Variants in RPL21 observed in about 807,000 individuals in gnomAD.
The protein encoded by RPL21 is large ribosomal subunit protein eL21.
In RPL21, 1 loss-of-function variant was observed where a neutral mutation model predicts 21.2. The ratio of observed to expected loss-of-function variants is 0.05; its 90% CI spans 0.02 to 0.22. The LOEUF (loss-of-function observed/expected upper bound fraction) is 0.22. RPL21 is among the 10% of genes least tolerant of loss of function. The pLI is 1.00. For synonymous variants in RPL21, 52 were observed against 62.9 expected, an observed-to-expected ratio of 0.83 and a Z score of 0.82; for missense variants, 113 against 199.4, an observed-to-expected ratio of 0.57 and a Z score of 2.61.
At chr13:27,253,567 C>G in intron 1 of RPL21, 198 bp from the exon 2 acceptor site, 1 of 522,082 alleles carries the variant, frequency 1.9e-6, no homozygotes, top group South Asian at 2.0e-5. Flanking sequence ...TGTTATAGAA[C>G]TTGGGCAGTT....
intron 3 of RPL21, 179 bp from the exon 4 acceptor site, chr13:27,255,063 G>A (rs375022130): frequency 1.6e-5 from 12 of 759,654 alleles, no homozygotes; most frequent in Non-Finnish European, 2.7e-5. Context: ...CTTGGCACTC[G>A]AGCTTAATGA....
Position 27,256,227 on chromosome 13 carries a change from A to G in RPL21, c.286A>G (p.Ile96Val). Residue 96 changes from isoleucine to valine, a missense_variant, in exon 5 of 6, where the codon ATT becomes GTT. Transcript: ENST00000311549. ...GAGAATTAATGTGCGTATTGAGCACATTAAGCACTCTAAGAGCCGAGATAG... is the reference window on the plus strand; with the variant it reads ...GAGAATTAATGTGCGTATTGAGCACGTTAAGCACTCTAAGAGCCGAGATAG... Reference protein sequence around the residue: ...AKRINVRIEHIKHSKSRDSFL... With the variant: ...AKRINVRIEHVKHSKSRDSFL... 2 of 1,591,958 alleles carry G rather than the reference A, an allele frequency of 1.3e-6. No homozygotes were observed. Among genetic ancestry groups the G allele is most frequent in the Non-Finnish European group, 1.7e-6 (2 of 1,165,632 alleles).
chr13:27,255,347 C>A lies in RPL21; in HGVS notation c.235C>A (p.Gln79Lys), dbSNP rs749600972. The change falls in exon 4 of 6, where the codon CAA (glutamine) becomes AAA (lysine). Residue 79 changes from glutamine to lysine, a missense_variant. Gln to Lys is a moderately conservative substitution (Grantham distance 53). Transcript: ENST00000311549. ...QHAVGIVVNK[Q>K]VKGKILAKRI... ...TGCTGTTGGCATTGTTGTAAACAAA[C>A]AAGTTAAGTAAGTAGTGTTGTAGTT... The A allele has an allele frequency of 6.3e-6, 8 of 1,279,082 alleles. No individual in the cohort carries two copies. Among genetic ancestry groups the A allele is most frequent in the East Asian group, 2.3e-5 (1 of 43,360 alleles). 79.2% of individuals were successfully genotyped at this position (1,279,082 alleles called of 1,614,324 possible).
At chr13:27,254,411 T>TTG in intron 3 of RPL21, 130 bp downstream of exon 3, 3 of 647,440 alleles carry the variant, frequency 4.6e-6, no homozygotes, top group South Asian at 1.8e-5. Context: ...TTTTTTTTTT[T>TTG]GGAGACGGAG....
At chr13:27,255,485 G>A (rs771698694) in intron 4 of RPL21, 131 bp downstream of exon 4, 11 of 766,244 alleles carry the variant, frequency 1.4e-5, no homozygotes, top group Admixed American at 8.5e-5. Flanking sequence ...TAAAACTCAG[G>A]CAAACTGGGT....
intron 3 of RPL21, 110 bp downstream of exon 3, chr13:27,254,391 G>GTTT: frequency 2.4e-5 from 4 of 164,444 alleles, no homozygotes; most frequent in Non-Finnish European, 2.1e-5. Flanking sequence ...GTATAGAATG[G>GTTT]ATTTTTTTTT....
intron 1 of RPL21, among the ~76,000 whole-genome samples, chr13:27,252,961 T>C (rs1881718178): frequency 6.6e-6 from 1 of 152,200 alleles, no homozygotes; most frequent in African/African-American, 2.4e-5. Flanking sequence ...TCAAAACTAT[T>C]GTTTTGGCCT....
At chr13:27,254,669 A>G (rs1408032935) in intron 3 of RPL21, among the ~76,000 whole-genome samples, 17 of 147,886 alleles carry the variant, frequency 1.1e-4, no homozygotes, top group African/African-American at 4.3e-4. Context: ...GATTACAGGC[A>G]TGCACCATGA....
chr13:27,251,743 G>GAGCA (rs140841424), intron 1 of RPL21, 158 bp downstream of exon 1: 2,776 of 152,960 alleles, frequency 0.018, 36 homozygotes, highest in African/African-American at 0.026. Context: ...GCCAGACGGG[G>GAGCA]AGCAGCGTGC....
rs779945665 is a variant in RPL21 at position 27,254,261 on chromosome 13, G to A, written c.109G>A (p.Gly37Ser). The change falls in exon 3 of 6, where the codon GGT becomes AGT. Residue 37 changes from glycine to serine, a missense_variant. Transcript: ENST00000311549. Reference sequence around the variant, plus strand: ...CACATATATGCGAATCTATAAGAAAGGTGATATTGTAGACATCAAGGTAAA... The same window carrying A: ...CACATATATGCGAATCTATAAGAAAAGTGATATTGTAGACATCAAGGTAAA... ...LATYMRIYKKGDIVDIKGMGT... is the reference protein window; with the variant it reads ...LATYMRIYKKSDIVDIKGMGT... The A allele has an allele frequency of 4.8e-5, 77 of 1,596,450 alleles. No individual in the cohort carries two copies. The highest frequency in any genetic ancestry group is 6.5e-5 in the Non-Finnish European group (76 of 1,164,158).
Position 27,253,630 on chromosome 13 carries a change from A to T in RPL21, c.-12-135A>T, listed in dbSNP as rs1003995138. 4.4e-6 allele frequency: 3 copies of T among 679,622 alleles called. No homozygotes were observed. The East Asian group carries it at 8.3e-5, about 19-fold the overall frequency. 42.1% of individuals were successfully genotyped at this position (679,622 alleles called of 1,614,324 possible). Reference sequence around the variant, plus strand: ...AATGATTTTTTAACCTTTCAACAGAACTAACTGCTTGGTGATCCAGCTTTC... The same window carrying T: ...AATGATTTTTTAACCTTTCAACAGATCTAACTGCTTGGTGATCCAGCTTTC... On this transcript the variant is annotated intron_variant, in intron 1 of 5. Coordinates refer to ENST00000311549, the MANE Select transcript of RPL21 (RefSeq NM_000982.4).
In RPL21 at chr13:27,254,106, T is replaced by C. The variant is rs936347880; in HGVS notation, c.68-114T>C. 4.4e-5 allele frequency: 34 copies of C among 773,502 alleles called. No individual in the cohort carries two copies. In the South Asian group the frequency reaches 4.9e-4, roughly 11 times the overall value. 47.9% of individuals were successfully genotyped at this position (773,502 alleles called of 1,614,324 possible). On this transcript the variant is annotated intron_variant, in intron 2 of 5. Transcript: ENST00000311549. Reference sequence around the variant, plus strand: ...CAGGAGAAATTGTCCATTGGGAAGATAATAAGCATGTAACCATCAAAAATG... The same window carrying C: ...CAGGAGAAATTGTCCATTGGGAAGACAATAAGCATGTAACCATCAAAAATG...
At chr13:27,251,710 A>C (rs1180597520) in intron 1 of RPL21, 125 bp downstream of exon 1, 1 of 152,560 alleles carries the variant, frequency 6.6e-6, no homozygotes, top group Non-Finnish European at 1.5e-5. Flanking sequence ...GTCCATTGGC[A>C]TGGGCGGGTT....
intron 4 of RPL21, 34 bp downstream of exon 4, chr13:27,255,388 G>T (rs1056599425): frequency 1.1e-6 from 1 of 881,822 alleles, no homozygotes; most frequent in South Asian, 1.3e-5. Flanking sequence ...TGGCTAACCA[G>T]TATTCCCTCA....
At chr13:27,253,635 C>A in intron 1 of RPL21, 130 bp from the exon 2 acceptor site, 2 of 685,360 alleles carry the variant, frequency 2.9e-6, no homozygotes, top group South Asian at 3.0e-5. Flanking sequence ...ACAGAACTAA[C>A]TGCTTGGTGA....
At chr13:27,254,762 C>T (rs1044946371) in intron 3 of RPL21, among the ~76,000 whole-genome samples, 1 of 152,196 alleles carries the variant, frequency 6.6e-6, no homozygotes, top group Admixed American at 6.5e-5. Context: ...GGGTGATCCG[C>T]CGGACTCAGC....
At chr13:27,253,458 A>C (rs2137908285) in intron 1 of RPL21, among the ~76,000 whole-genome samples, 1 of 152,358 alleles carries the variant, frequency 6.6e-6, no homozygotes, top group South Asian at 2.1e-4. Flanking sequence ...GGTTCTACAG[A>C]TAGAGTGTGG....
chr13:27,252,610 C>T (rs2137906950), intron 1 of RPL21, among the ~76,000 whole-genome samples: 1 of 152,254 alleles, frequency 6.6e-6, no homozygotes, highest in South Asian at 2.1e-4. Flanking sequence ...TGACTTGAAT[C>T]TACACAGTAT....
In RPL21 at chr13:27,256,544, A is replaced by G. The variant is rs774779259; in HGVS notation, c.*19A>G. ...GGCATAATAGGTGTTAAAAAAAAAA[A>G]TAAAGGACCTCTGGGCTACAAAAAT... is the stretch of plus-strand genomic sequence containing the variant. On this transcript the variant is annotated 3_prime_UTR_variant, in exon 6 of 6. Coordinates refer to ENST00000311549, the MANE Select transcript of RPL21 (RefSeq NM_000982.4). 3 of 1,004,288 alleles carry G rather than the reference A, an allele frequency of 3.0e-6. No homozygotes were observed. Among genetic ancestry groups the G allele is most frequent in the South Asian group, 2.6e-5 (2 of 77,574 alleles). The allele number at this position is 1,004,288 out of a possible 1,614,324, so 62.2% of individuals were successfully genotyped here.
Sources: gnomAD v4.1 joint callset for allele counts (sites outside exome capture counted in the v4.1 genomes callset) on GRCh38, gnomAD v4.1.1 for gene constraint, MANE v1.5 for transcripts, NCBI Gene and HGNC (gene_info 2026-07-23, HGNC 2026-07-21) for gene names.